The following PDGFRL variants were observed in gnomAD, a reference collection of about 807,000 sequenced individuals.
PDGFRL encodes platelet derived growth factor receptor like.
In PDGFRL, 46 loss-of-function variants were observed where a neutral mutation model predicts 37.2. The observed-to-expected ratio is 1.24, with a 90% CI of 0.98 to 1.58. The LOEUF (loss-of-function observed/expected upper bound fraction) is 1.58. Ranked by LOEUF, PDGFRL falls within the 40% of genes most tolerant of loss-of-function variation. The pLI is 0.00. For missense variants in PDGFRL, 692 were observed against 467.6 expected (o/e 1.48, Z -4.43); for synonymous variants, 251 against 184.3 (o/e 1.36, Z -2.93).
intron 3 of PDGFRL, among the ~76,000 whole-genome samples, chr8:17,626,617 C>T (rs532460146): frequency 6.6e-6 from 1 of 152,124 alleles, no homozygotes; most frequent in South Asian, 2.1e-4. Flanking sequence ...GTGGGGAAAA[C>T]ACAAGAAAGC....
intron 5 of PDGFRL, among the ~76,000 whole-genome samples, chr8:17,639,536 G>C (rs1805048286): frequency 6.6e-6 from 1 of 152,110 alleles, no homozygotes; most frequent in Non-Finnish European, 1.5e-5. Flanking sequence ...CATTTATGAA[G>C]CTTAGTTTTG....
chr8:17,615,321 T>C (rs529427928), intron 2 of PDGFRL, among the ~76,000 whole-genome samples: 1 of 152,054 alleles, frequency 6.6e-6, no homozygotes, highest in Admixed American at 6.6e-5. Context: ...TGGGAGTGTG[T>C]GTGTGTGCAT....
At position 17,631,945 on chromosome 8, in the gene PDGFRL, C is replaced by T. The variant is rs149840084; in HGVS notation, c.800-2129C>T. ...TGTACACTGGTAACTCCCAAGTGAA[C>T]GGAAGTGGCCGGATCTAGGAGCATC... On this transcript the variant is annotated intron_variant, in intron 4 of 5. Coordinates refer to ENST00000251630, the MANE Select transcript of PDGFRL (RefSeq NM_001372073.1). Among the ~76,000 whole-genome samples the T allele has an allele frequency of 6.2e-3, 937 of 152,324 alleles. 6 individuals carry two copies. Among genetic ancestry groups the T allele is most frequent in the Non-Finnish European group, 7.7e-3 (525 of 68,030 alleles).
chr8:17,611,071 G>C (rs17632945), intron 2 of PDGFRL, among the ~76,000 whole-genome samples: 26,756 of 152,152 alleles, frequency 0.18, 2,479 homozygotes, highest in South Asian at 0.33. Context: ...TGTTTCTTTT[G>C]CGGTACGCAG....
intron 2 of PDGFRL, among the ~76,000 whole-genome samples, chr8:17,604,188 G>C (rs2129674016): frequency 6.6e-6 from 1 of 152,226 alleles, no homozygotes; most frequent in South Asian, 2.1e-4. Context: ...GATTCCTCAG[G>C]GATCTAGAAC....
At chr8:17,624,254 T>G (rs1322130572) in intron 3 of PDGFRL, among the ~76,000 whole-genome samples, 1 of 152,198 alleles carries the variant, frequency 6.6e-6, no homozygotes, top group Admixed American at 6.5e-5. Flanking sequence ...TGTTTGTCAT[T>G]CATTATGTTT....
intron 1 of PDGFRL, among the ~76,000 whole-genome samples, chr8:17,578,731 C>T (rs565623857): frequency 7.1e-4 from 108 of 152,310 alleles, no homozygotes; most frequent in African/African-American, 2.4e-3. Flanking sequence ...CTGGATCTCA[C>T]CCAGCCCATG....
intron 3 of PDGFRL, among the ~76,000 whole-genome samples, chr8:17,627,805 G>C (rs1019997501): frequency 2.6e-5 from 4 of 151,644 alleles, no homozygotes; most frequent in South Asian, 2.1e-4. Flanking sequence ...AAAGCAACTA[G>C]TGTGGTCACT....
chr8:17,638,840 CTT>C (rs1805034869), intron 5 of PDGFRL, among the ~76,000 whole-genome samples: 2 of 144,898 alleles, frequency 1.4e-5, no homozygotes, highest in Non-Finnish European at 3.0e-5. Flanking sequence ...TAATGTCCGT[CTT>C]TCTCTTTTTT....
intron 1 of PDGFRL, 99 bp from the exon 2 acceptor site, chr8:17,589,369 G>C: frequency 1.2e-6 from 1 of 843,068 alleles, no homozygotes; most frequent in Non-Finnish European, 1.9e-6. Flanking sequence ...CTGGGCAATA[G>C]AGTAAGAATC....
intron 2 of PDGFRL, among the ~76,000 whole-genome samples, chr8:17,601,196 C>G (rs965440042): frequency 6.6e-6 from 1 of 152,216 alleles, no homozygotes; most frequent in Non-Finnish European, 1.5e-5. Context: ...CTTCCTATCA[C>G]AACAGCAGTG....
chr8:17,593,274 CAT>C (rs974583564), intron 2 of PDGFRL, among the ~76,000 whole-genome samples: 2 of 151,982 alleles, frequency 1.3e-5, no homozygotes, highest in African/African-American at 4.8e-5. Context: ...CAGTAAAAAA[CAT>C]ATAACATAGG....
intron 2 of PDGFRL, among the ~76,000 whole-genome samples, chr8:17,603,042 G>A (rs1271524250): frequency 2.6e-5 from 4 of 152,114 alleles, no homozygotes; most frequent in Non-Finnish European, 5.9e-5. Flanking sequence ...GAGTGCAGTG[G>A]CACGATCTCA....
At chr8:17,579,259 A>G (rs185351402) in intron 1 of PDGFRL, among the ~76,000 whole-genome samples, 3 of 152,280 alleles carry the variant, frequency 2.0e-5, no homozygotes, top group Non-Finnish European at 2.9e-5. Flanking sequence ...TATGGATACA[A>G]TAGTGAACAC....
At chr8:17,601,084 T>C (rs1427242176) in intron 2 of PDGFRL, among the ~76,000 whole-genome samples, 1 of 152,236 alleles carries the variant, frequency 6.6e-6, no homozygotes, top group Non-Finnish European at 1.5e-5. Context: ...CCAGTTGCTC[T>C]TGACCAGAGG....
intron 1 of PDGFRL, among the ~76,000 whole-genome samples, chr8:17,583,437 G>T (rs79088892): frequency 0.031 from 4,705 of 152,310 alleles, 141 homozygotes; most frequent in Middle Eastern, 0.14. Context: ...CAGCTGTAAG[G>T]AACTTGCCTC....
upstream of PDGFRL, chr8:17,577,184 C>CCGCCTCCCCTGCGT: frequency 6.4e-7 from 1 of 1,566,746 alleles, no homozygotes; most frequent in Non-Finnish European, 8.7e-7. Context: ...CCCTCGCCCG[C>CCGCCTCCCCTGCGT]CGCCTCCCCT....
intron 5 of PDGFRL, 94 bp downstream of exon 5, chr8:17,634,307 T>C (rs1389987652): frequency 4.1e-6 from 4 of 975,932 alleles, no homozygotes; most frequent in East Asian, 4.9e-5. Flanking sequence ...CCCAGTGCTA[T>C]ATGCCATAAC....
chr8:17,598,073 G>A (rs1024279032), intron 2 of PDGFRL, among the ~76,000 whole-genome samples: 2 of 152,028 alleles, frequency 1.3e-5, no homozygotes, highest in Non-Finnish European at 2.9e-5. Context: ...TGATCTCATG[G>A]TTCATATGTG....
Sources: gnomAD v4.1 joint callset for allele counts (sites outside exome capture counted in the v4.1 genomes callset) on GRCh38, gnomAD v4.1.1 for gene constraint, MANE v1.5 for transcripts, NCBI Gene and HGNC (gene_info 2026-07-23, HGNC 2026-07-21) for gene names.